SOS2: variants seen among roughly 807,000 people sequenced by gnomAD.
SOS2 encodes the protein son of sevenless homolog 2.
Under a neutral mutation model 148.2 loss-of-function variants are expected in SOS2, and 65 were observed. The ratio of observed to expected loss-of-function variants is 0.44; its 90% CI spans 0.36 to 0.54. The LOEUF (loss-of-function observed/expected upper bound fraction) is 0.54, where lower values mean the gene tolerates loss of function less well. Ranked by LOEUF, SOS2 falls within the 20% of genes least tolerant of loss-of-function variation. The pLI is 0.00. For synonymous variants in SOS2, 539 were observed against 537.1 expected (o/e 1.00, Z -0.05); for missense variants, 1,341 against 1,590.2 (o/e 0.84, Z 2.67).
intron 21 of SOS2, among the ~76,000 whole-genome samples, chr14:50,126,051 T>C (rs527967772): frequency 6.6e-6 from 1 of 152,232 alleles, no homozygotes; most frequent in African/African-American, 2.4e-5. Context: ...CACAAGTCAA[T>C]AAGTGCCATG....
chr14:50,178,859 G>A (rs1266260683), intron 7 of SOS2, among the ~76,000 whole-genome samples: 2 of 151,610 alleles, frequency 1.3e-5, no homozygotes, highest in African/African-American at 4.8e-5. Flanking sequence ...TCAGCCTCCC[G>A]AGTAGCTGGG....
rs116804497 is a variant in SOS2, at chr14:50,131,539, T to C, written c.3076-777A>G. ...ACTTATTATAACATGTCTGAACAGT[T>C]TGAGATGCTCAAACATATCTAGTTT... is the stretch of plus-strand genomic sequence containing the variant. On this transcript the variant is annotated intron_variant, in intron 19 of 22. Transcript: ENST00000216373. 5.8e-3 allele frequency among the ~76,000 whole-genome samples: 883 copies of C among 152,292 alleles called. 11 individuals are homozygous for C. Among genetic ancestry groups the C allele is most frequent in the African/African-American group, 0.019 (788 of 41,574 alleles).
rs376726624 is a variant in SOS2 at position 50,204,268 on chromosome 14, A to G, written c.213+16T>C. ...AGTGGTTGAGTGACTTTTTGAAATG[A>G]CAAAATAATTTTTACCTCTACATCT... On this transcript the variant is annotated intron_variant, in intron 2 of 22. Coordinates refer to ENST00000216373, the MANE Select transcript of SOS2 (RefSeq NM_006939.4). 6 of 1,542,292 alleles carry G rather than the reference A, an allele frequency of 3.9e-6. No individual in the cohort carries two copies. The highest frequency in any genetic ancestry group is 5.2e-6 in the Non-Finnish European group (6 of 1,143,166).
At chr14:50,161,948 G>T (rs1885024208) in intron 8 of SOS2, among the ~76,000 whole-genome samples, 1 of 151,602 alleles carries the variant, frequency 6.6e-6, no homozygotes, top group Admixed American at 6.6e-5. Flanking sequence ...ACAGGGTCTC[G>T]CTATGTCTCC....
At chr14:50,179,625 A>G (rs1209568446) in intron 7 of SOS2, among the ~76,000 whole-genome samples, 1 of 152,148 alleles carries the variant, frequency 6.6e-6, no homozygotes, top group Non-Finnish European at 1.5e-5. Context: ...TTAGCCTCCC[A>G]AAGTGCTGGG....
chr14:50,217,345 T>TTAAAA (rs1414375638), intron 1 of SOS2, among the ~76,000 whole-genome samples: 1 of 152,088 alleles, frequency 6.6e-6, no homozygotes, highest in Admixed American at 6.6e-5. Flanking sequence ...GAGATTTTTT[T>TTAAAA]AAAAAAGAAA....
chr14:50,170,577 G>A (rs915047018), intron 8 of SOS2, among the ~76,000 whole-genome samples: 1 of 151,910 alleles, frequency 6.6e-6, no homozygotes, highest in Admixed American at 6.6e-5. Context: ...TCCTAGCTAC[G>A]TGGGAGGGTC....
Position 50,150,199 on chromosome 14 carries a change from A to T in SOS2, c.2193T>A (p.Ile731=). 2 of 1,612,742 alleles carry T rather than the reference A, an allele frequency of 1.2e-6. No homozygotes were observed. Among genetic ancestry groups the T allele is most frequent in the Non-Finnish European group, 1.7e-6 (2 of 1,178,774 alleles). The change falls in exon 14 of 23, where the codon ATT becomes ATA. Residue 731 remains isoleucine (I), a synonymous_variant. Coordinates refer to ENST00000216373, the MANE Select transcript of SOS2 (RefSeq NM_006939.4). ...GKAMKKWVES[I]AKIIRRKKQA... ...GCTTCTTCCTCCTGATGATCTTAGC[A>T]ATTGACTCTACCCATTTTTTCATAG...
In SOS2 at chr14:50,159,557, C is replaced by T; in HGVS notation, c.1726G>A (p.Val576Ile). The change falls in exon 10 of 23, where the codon GTA becomes ATA. Residue 576 changes from valine to isoleucine, a missense_variant. Physicochemically the swap from Val to Ile is conservative, Grantham distance 29. Transcript: ENST00000216373. ...ATGTTTTCCTCAGAGTCTTTTACTA[C>T]AAAACGATATACTTCAGGACTTGGT... The part of the protein sequence containing the change: ...RLPSPEVYRF[V>I]VKDSEENIVF... The T allele has an allele frequency of 4.3e-6, 7 of 1,613,920 alleles. No individual in the cohort carries two copies. Among genetic ancestry groups the T allele is most frequent in the Non-Finnish European group, 5.9e-6 (7 of 1,179,888 alleles).
In SOS2 at chr14:50,226,573, C is replaced by T. The variant is rs10145117; in HGVS notation, c.87+4624G>A. ...CCAGACATTCTCTCACACCTCTTGC[C>T]TTTTAGATATCTAAGAGCAAATTGT... On this transcript the variant is annotated intron_variant, in intron 1 of 22. Transcript: ENST00000216373. Among the ~76,000 whole-genome samples the T allele has an allele frequency of 6.9e-3, 1,045 of 152,282 alleles. 16 individuals carry two copies. The highest frequency in any genetic ancestry group is 0.024 in the African/African-American group (1,005 of 41,548).
At chr14:50,179,909 A>G (rs1433427627) in intron 7 of SOS2, among the ~76,000 whole-genome samples, 8 of 152,136 alleles carry the variant, frequency 5.3e-5, no homozygotes, top group Admixed American at 2.0e-4. Context: ...TAGGAGGTTG[A>G]GGTTATCTCA....
At chr14:50,172,064 T>C (rs1885383746) in intron 8 of SOS2, among the ~76,000 whole-genome samples, 2 of 152,248 alleles carry the variant, frequency 1.3e-5, no homozygotes, top group South Asian at 2.1e-4. Flanking sequence ...AAGTGGGTTA[T>C]ACAGTTTACA....
Position 50,204,414 on chromosome 14 carries a change from A to T in SOS2, c.88-5T>A, listed in dbSNP as rs767732779. 15 of 1,536,302 alleles carry T rather than the reference A, an allele frequency of 9.8e-6. No individual in the cohort carries two copies. Among genetic ancestry groups the T allele is most frequent in the African/African-American group, 1.4e-5 (1 of 71,924 alleles). On this transcript the variant is annotated splice_polypyrimidine_tract_variant and splice_region_variant and intron_variant, in intron 1 of 22. Coordinates refer to ENST00000216373, the MANE Select transcript of SOS2 (RefSeq NM_006939.4). The stretch of plus-strand genomic sequence containing the variant: ...GGGATGCACTTGTTCCTGAACCTTT[A>T]AAAAAAAGTTATCAGTTAAAGTAAT...
At chr14:50,209,774 T>C (rs905074344) in intron 1 of SOS2, among the ~76,000 whole-genome samples, 2 of 149,940 alleles carry the variant, frequency 1.3e-5, no homozygotes, top group African/African-American at 2.5e-5. Flanking sequence ...AAAAATTAAA[T>C]AGCATTTACA....
rs201836422 is a variant in SOS2, at chr14:50,192,143, CAAAAAAAAAAAAAAAAAAAA to C, written c.511-3463_511-3444del. 4.1e-3 allele frequency among the ~76,000 whole-genome samples: 485 copies of C among 118,876 alleles called. 2 individuals carry two copies. Among genetic ancestry groups the C allele is most frequent in the African/African-American group, 9.4e-3 (270 of 28,754 alleles). The allele number at this position is 118,876 out of a possible 152,430, so 78.0% of individuals were successfully genotyped here. A position where few individuals can be genotyped will look rare whatever the true frequency, so the allele number is the denominator to read the frequency against. On this transcript the variant is annotated intron_variant, in intron 4 of 22. Coordinates refer to ENST00000216373, the MANE Select transcript of SOS2 (RefSeq NM_006939.4). Reference sequence around the variant, plus strand: ...CTCCGGCTTAGGTGAGTCCTTGTCACAAAAAAAAAAAAAAAAAAAAAAAAAAAAAAAAAGGAGCGAGCAAG... The same window carrying C: ...CTCCGGCTTAGGTGAGTCCTTGTCACAAAAAAAAAAAAAGGAGCGAGCAAG...
At chr14:50,218,695 T>G (rs1010181290) in intron 1 of SOS2, among the ~76,000 whole-genome samples, 2 of 152,138 alleles carry the variant, frequency 1.3e-5, no homozygotes, top group Admixed American at 6.5e-5. Flanking sequence ...CAAAGTACCA[T>G]TACACTGCTA....
At position 50,158,618 on chromosome 14, in the gene SOS2, G is replaced by C; in HGVS notation, c.1881C>G (p.Thr627=). 6.2e-7 allele frequency: 1 copy of C among 1,608,616 alleles called. No individual in the cohort carries two copies. Among genetic ancestry groups the C allele is most frequent in the Non-Finnish European group, 8.5e-7 (1 of 1,176,882 alleles). Residue 627 remains threonine, a synonymous_variant, in exon 11 of 23, where the codon ACC becomes ACG. Coordinates refer to ENST00000216373, the MANE Select transcript of SOS2 (RefSeq NM_006939.4). ...GTGGTTTACAAAATGAACGATATGT[G>C]GTAAGAAAAGTACGAACAAAATTGG... The part of the protein sequence containing the change: ...ADPNFVRTFL[T]TYRSFCKPQE...
intron 16 of SOS2, among the ~76,000 whole-genome samples, chr14:50,144,441 A>T (rs779007471): frequency 6.5e-4 from 98 of 151,742 alleles, no homozygotes; most frequent in African/African-American, 1.1e-3. Context: ...AAATATATAT[A>T]TTTTTTAATT....
chr14:50,137,378 T>C (rs772153892), intron 18 of SOS2, among the ~76,000 whole-genome samples: 1 of 152,196 alleles, frequency 6.6e-6, no homozygotes, highest in Admixed American at 6.5e-5. Context: ...TGTAACATTA[T>C]CTAAAATGGC....
Sources: gnomAD v4.1 joint callset for allele counts (sites outside exome capture counted in the v4.1 genomes callset) on GRCh38, gnomAD v4.1.1 for gene constraint, MANE v1.5 for transcripts, NCBI Gene and HGNC (gene_info 2026-07-23, HGNC 2026-07-21) for gene names.